NFIL3: variants seen among roughly 807,000 people sequenced by gnomAD.
NFIL3 encodes the protein nuclear factor interleukin-3-regulated protein.
Under a neutral mutation model 10.0 loss-of-function variants are expected in NFIL3, and 5 were observed. The observed-to-expected ratio is 0.50, with a 90% CI of 0.26 to 1.06. The LOEUF is 1.06. Among genes scored for constraint, NFIL3 ranks in the 50% least tolerant of loss-of-function variants. The pLI, the probability that NFIL3 is intolerant of heterozygous loss-of-function variation, is 0.13. For missense variants in NFIL3, 436 were observed against 547.6 expected (o/e 0.80, Z 2.03); for synonymous variants, 202 against 206.5 (o/e 0.98, Z 0.19).
chr9:91,442,878 G>A, the NFIL3 span, among the ~76,000 whole-genome samples: 1 of 152,084 alleles, frequency 6.6e-6, no homozygotes, highest in Non-Finnish European at 1.5e-5. Context: ...CCGGAATGTG[G>A]CAAGCAGAGG....
chr9:91,430,431 GC>G, the NFIL3 span, among the ~76,000 whole-genome samples: 1 of 152,112 alleles, frequency 6.6e-6, no homozygotes, highest in African/African-American at 2.4e-5. Flanking sequence ...CTTAGCAGGG[GC>G]CAGAAACTAA....
At chr9:91,446,573 C>A in the NFIL3 span, among the ~76,000 whole-genome samples, 1 of 152,170 alleles carries the variant, frequency 6.6e-6, no homozygotes. Flanking sequence ...CATTTTCATC[C>A]TTCCAAATGG....
the NFIL3 span, among the ~76,000 whole-genome samples, chr9:91,429,797 G>T: frequency 2.0e-5 from 3 of 152,026 alleles, no homozygotes; most frequent in African/African-American, 7.2e-5. Context: ...TGATAAAAGA[G>T]CCAGCTCTCG....
chr9:91,435,704 T>C, the NFIL3 span, among the ~76,000 whole-genome samples: 2 of 152,228 alleles, frequency 1.3e-5, no homozygotes, highest in Admixed American at 6.5e-5. Flanking sequence ...CATTCTATTC[T>C]GTGACAGTGG....
Position 91,410,943 on chromosome 9 carries a change from C to G in NFIL3, c.-172-37G>C. ...GAATAAAAAAAAAACCAGTTATTCA[C>G]TGGATAAATGTTTATTACAAATTAT... On this transcript the variant is annotated intron_variant, in intron 1 of 1. Transcript: ENST00000297689. This position sits in a 1 kb window ranked among gnomAD's most constrained non-coding sequence, Gnocchi z 5.7. 2.0e-6 allele frequency: 1 copy of G among 508,242 alleles called. No individual in the cohort carries two copies. Among genetic ancestry groups the G allele is most frequent in the Non-Finnish European group, 3.5e-6 (1 of 284,456 alleles). 31.5% of individuals were successfully genotyped at this position (508,242 alleles called of 1,614,324 possible). A position where few individuals can be genotyped will look rare whatever the true frequency, so the allele number is the denominator to read the frequency against.
chr9:91,445,713 C>T, the NFIL3 span, among the ~76,000 whole-genome samples: 1 of 152,086 alleles, frequency 6.6e-6, no homozygotes, highest in African/African-American at 2.4e-5. Context: ...CAGGGCACTA[C>T]CTCAGCTATG....
chr9:91,440,908 G>GT, the NFIL3 span, among the ~76,000 whole-genome samples: 1 of 152,098 alleles, frequency 6.6e-6, no homozygotes, highest in African/African-American at 2.4e-5. Flanking sequence ...GTTAAGGGTT[G>GT]TTTTGTGGCC....
At chr9:91,456,658 T>C in the NFIL3 span, among the ~76,000 whole-genome samples, 1 of 152,238 alleles carries the variant, frequency 6.6e-6, no homozygotes, top group South Asian at 2.1e-4. Context: ...GCTTTTCATT[T>C]TCTTGGCAAT....
At chr9:91,457,682 C>T in the NFIL3 span, among the ~76,000 whole-genome samples, 1 of 152,008 alleles carries the variant, frequency 6.6e-6, no homozygotes, top group South Asian at 2.1e-4. Context: ...TTATGTCTTT[C>T]ATCACCTTAT....
intron 1 of NFIL3, among the ~76,000 whole-genome samples, chr9:91,422,765 G>A (rs565868076): frequency 1.3e-5 from 2 of 152,292 alleles, no homozygotes; most frequent in South Asian, 4.1e-4. Context: ...TAACAGCTGA[G>A]AACATTGAAA....
chr9:91,435,452 A>G, the NFIL3 span, among the ~76,000 whole-genome samples: 3 of 152,144 alleles, frequency 2.0e-5, no homozygotes, highest in South Asian at 2.1e-4. Context: ...GTGGAATTCA[A>G]ATTCTATGGT....
At chr9:91,473,158 G>T in the NFIL3 span, among the ~76,000 whole-genome samples, 1 of 152,188 alleles carries the variant, frequency 6.6e-6, no homozygotes, top group African/African-American at 2.4e-5. Context: ...TAGGCTACAC[G>T]GGGGTCAGGC....
At chr9:91,457,609 T>C in the NFIL3 span, among the ~76,000 whole-genome samples, 1 of 152,178 alleles carries the variant, frequency 6.6e-6, no homozygotes, top group Admixed American at 6.5e-5. Flanking sequence ...ATTTTCTTCA[T>C]AGATAGCTTT....
chr9:91,411,245 T>C lies in NFIL3; in HGVS notation c.-172-339A>G, dbSNP rs75903721. Among the ~76,000 whole-genome samples, 348 of 152,242 alleles carry C rather than the reference T, an allele frequency of 2.3e-3. 10 individuals carry two copies. In the East Asian group the frequency reaches 0.028, roughly 12 times the overall value. ...TGGAGAAATAGTTGGGTGTGGGCAATTACAGGAAGGAAATGACAGATAGCC... is the reference window on the plus strand; with the variant it reads ...TGGAGAAATAGTTGGGTGTGGGCAACTACAGGAAGGAAATGACAGATAGCC... On this transcript the variant is annotated intron_variant, in intron 1 of 1. Transcript: ENST00000297689.
Position 91,410,950 on chromosome 9 carries a change from A to G in NFIL3, c.-172-44T>C, listed in dbSNP as rs1833536887. 2.0e-6 allele frequency: 1 copy of G among 501,308 alleles called. No homozygotes were observed. Among genetic ancestry groups the G allele is most frequent in the Admixed American group, 3.8e-5 (1 of 26,576 alleles). 31.1% of individuals were successfully genotyped at this position (501,308 alleles called of 1,614,324 possible). On this transcript the variant is annotated intron_variant, in intron 1 of 1. Transcript: ENST00000297689. This position sits in a 1 kb window ranked among gnomAD's most constrained non-coding sequence, Gnocchi z 5.7. ...AAAAAAACCAGTTATTCACTGGATA[A>G]ATGTTTATTACAAATTATGTACAAG...
At position 91,409,378 on chromosome 9, in the gene NFIL3, T is replaced by TAGTGGA; in HGVS notation, c.1356_1357insTCCACT (p.Ala452_Thr453insSerThr). On this transcript the variant is annotated inframe_insertion, in exon 2 of 2. Coordinates refer to ENST00000297689, the MANE Select transcript of NFIL3 (RefSeq NM_005384.3). Reference sequence around the variant, plus strand: ...GAGTCTGAAGCAGAGATTGGTTGTGTGGCTATAAGTCTCTTGAGTGAGACA... The same window carrying TAGTGGA: ...GAGTCTGAAGCAGAGATTGGTTGTGTAGTGGAGGCTATAAGTCTCTTGAGTGAGACA... 2.5e-6 allele frequency: 4 copies of TAGTGGA among 1,589,902 alleles called. No homozygotes were observed. Among genetic ancestry groups the TAGTGGA allele is most frequent in the Non-Finnish European group, 3.4e-6 (4 of 1,169,376 alleles).
At chr9:91,447,817 G>A in the NFIL3 span, among the ~76,000 whole-genome samples, 8 of 152,048 alleles carry the variant, frequency 5.3e-5, no homozygotes, top group Admixed American at 5.2e-4. Context: ...GTTCTTTGAT[G>A]CACAAAAGTT....
At chr9:91,480,419 T>C in the NFIL3 span, among the ~76,000 whole-genome samples, 1 of 152,084 alleles carries the variant, frequency 6.6e-6, no homozygotes, top group African/African-American at 2.4e-5. Context: ...ATTCTACTAG[T>C]AGCATTCAAG....
chr9:91,432,931 G>GA, the NFIL3 span, among the ~76,000 whole-genome samples: 1 of 152,148 alleles, frequency 6.6e-6, no homozygotes, highest in Non-Finnish European at 1.5e-5. Flanking sequence ...CTGAATATCT[G>GA]AAAAGCATTC....
Sources: gnomAD v4.1 joint callset for allele counts (sites outside exome capture counted in the v4.1 genomes callset) on GRCh38, gnomAD v4.1.1 for gene constraint, Gnocchi (gnomAD v3.1) non-coding constraint, MANE v1.5 for transcripts, NCBI Gene and HGNC (gene_info 2026-07-23, HGNC 2026-07-21) for gene names.